The following EYS variants were observed in gnomAD, a reference collection of about 807,000 sequenced individuals.
EYS encodes the protein EGF-like photoreceptor maintenance factor, also known as protein eyes shut homolog.
EYS carries 250 observed loss-of-function variants against 282.1 expected under a neutral mutation model. The observed-to-expected ratio is 0.89, with a 90% CI of 0.80 to 0.98. The LOEUF is 0.98. EYS is among the 50% of genes least tolerant of loss of function. The pLI, the probability that EYS is intolerant of heterozygous loss-of-function variation, is 0.00. For missense variants in EYS, 4,016 were observed against 3,709.0 expected, an observed-to-expected ratio of 1.08 and a Z score of -2.15; for synonymous variants, 1,355 against 1,282.9, an observed-to-expected ratio of 1.06 and a Z score of -1.20.
At chr6:64,901,674 A>G (rs1344012406) in intron 18 of EYS, among the ~76,000 whole-genome samples, 1 of 152,090 alleles carries the variant, frequency 6.6e-6, no homozygotes, top group East Asian at 1.9e-4. Context: ...TGTAGGTAAG[A>G]CAAAAGAAGC....
chr6:64,115,721 C>G (rs891660410), intron 31 of EYS, among the ~76,000 whole-genome samples: 4 of 152,114 alleles, frequency 2.6e-5, no homozygotes, highest in African/African-American at 4.8e-5. Context: ...TGCAAAAAGT[C>G]TTGAAGAAGA....
chr6:65,515,592 C>T lies in EYS; in HGVS notation c.-332-19599G>A, dbSNP rs191295836. Among the ~76,000 whole-genome samples, 166 of 151,978 alleles carry T rather than the reference C, an allele frequency of 1.1e-3. 1 individual carries two copies. Among genetic ancestry groups the T allele is most frequent in the African/African-American group, 2.7e-3 (112 of 41,458 alleles). On this transcript the variant is annotated intron_variant, in intron 2 of 42. Coordinates refer to ENST00000503581, the MANE Select transcript of EYS (RefSeq NM_001142800.2). Reference sequence around the variant, plus strand: ...TTAAGAAAATGTGACACATATACACCATGGAATACCATGCAGCCAGAAAAA... The same window carrying T: ...TTAAGAAAATGTGACACATATACACTATGGAATACCATGCAGCCAGAAAAA...
intron 1 of EYS, among the ~76,000 whole-genome samples, chr6:65,642,076 T>G (rs145192401): frequency 6.6e-6 from 1 of 152,184 alleles, no homozygotes; most frequent in Non-Finnish European, 1.5e-5. Flanking sequence ...CATAACTGAA[T>G]ATATAGGGCC....
At chr6:64,455,577 A>G (rs1170677647) in intron 26 of EYS, among the ~76,000 whole-genome samples, 8 of 151,890 alleles carry the variant, frequency 5.3e-5, no homozygotes, top group Non-Finnish European at 8.8e-5. Context: ...TGCATTAGGT[A>G]TTTGTCCTAA....
At chr6:64,742,546 G>A (rs953679119) in intron 22 of EYS, among the ~76,000 whole-genome samples, 3 of 152,082 alleles carry the variant, frequency 2.0e-5, no homozygotes, top group East Asian at 3.9e-4. Context: ...AAAACTGATC[G>A]AGAGAGTAGA....
chr6:64,122,284 C>A (rs1311822677), intron 31 of EYS, among the ~76,000 whole-genome samples: 2 of 152,054 alleles, frequency 1.3e-5, no homozygotes, highest in African/African-American at 4.8e-5. Context: ...ATATAAGAAC[C>A]ACTTTCATAG....
chr6:64,526,367 A>G (rs1777920095), intron 26 of EYS, among the ~76,000 whole-genome samples: 1 of 151,876 alleles, frequency 6.6e-6, no homozygotes, highest in Non-Finnish European at 1.5e-5. Flanking sequence ...GAATCTCTGT[A>G]TCATCTCTTA....
At chr6:64,563,155 T>A (rs1765453345) in intron 26 of EYS, among the ~76,000 whole-genome samples, 1 of 152,002 alleles carries the variant, frequency 6.6e-6, no homozygotes, top group Non-Finnish European at 1.5e-5. Context: ...ATGACTAATT[T>A]GGTTGGCTAG....
At chr6:65,622,959 T>C (rs56769601) in intron 2 of EYS, among the ~76,000 whole-genome samples, 9,889 of 152,152 alleles carry the variant, frequency 0.065, 1,010 homozygotes, top group African/African-American at 0.21. Context: ...GATCTGTCTA[T>C]GTTGCCCAGG....
At chr6:65,490,832 G>T in intron 4 of EYS, 125 bp from the exon 5 acceptor site, 1 of 657,186 alleles carries the variant, frequency 1.5e-6, no homozygotes, top group Non-Finnish European at 2.8e-6. Flanking sequence ...ATGAAACCAT[G>T]TTATACGATG....
At chr6:64,119,899 CT>C (rs1773519078) in intron 31 of EYS, among the ~76,000 whole-genome samples, 2 of 152,126 alleles carry the variant, frequency 1.3e-5, no homozygotes, top group Non-Finnish European at 1.5e-5. Context: ...AAAATCAGTT[CT>C]TTTTCCATGA....
intron 19 of EYS, among the ~76,000 whole-genome samples, chr6:64,837,460 G>C (rs1318234730): frequency 6.6e-6 from 1 of 151,082 alleles, no homozygotes; most frequent in Non-Finnish European, 1.5e-5. Context: ...ATTCAAAATA[G>C]TACTGACAGT....
At chr6:65,381,000 G>A (rs1278735667) in intron 8 of EYS, among the ~76,000 whole-genome samples, 1 of 152,048 alleles carries the variant, frequency 6.6e-6, no homozygotes, top group Non-Finnish European at 1.5e-5. Context: ...AAATAGGAAT[G>A]CATTTACACT....
intron 31 of EYS, among the ~76,000 whole-genome samples, chr6:64,165,270 A>T (rs77155786): frequency 0.011 from 1,680 of 152,226 alleles, 29 homozygotes; most frequent in African/African-American, 0.038. Flanking sequence ...AATGCTTCAA[A>T]TTGTCATGGC....
At chr6:64,702,511 A>T (rs914345728) in intron 22 of EYS, among the ~76,000 whole-genome samples, 2 of 152,092 alleles carry the variant, frequency 1.3e-5, no homozygotes, top group African/African-American at 4.8e-5. Context: ...ATCAATTCAG[A>T]ACATCGTCAA....
intron 30 of EYS, among the ~76,000 whole-genome samples, chr6:64,235,822 C>T (rs1041854846): frequency 1.3e-5 from 2 of 152,084 alleles, no homozygotes; most frequent in Non-Finnish European, 2.9e-5. Context: ...GAAATTGTGG[C>T]AATAATCAAT....
rs113253005 is a variant in EYS at position 64,006,411 on chromosome 6, G to A, written c.6726-7228C>T. 4.9e-4 allele frequency among the ~76,000 whole-genome samples: 74 copies of A among 152,158 alleles called. 1 individual carries two copies. The highest frequency in any genetic ancestry group is 6.8e-3 in the Middle Eastern group (2 of 294). On this transcript the variant is annotated intron_variant, in intron 33 of 42. Transcript: ENST00000503581. ...GGGCAGAGACTATGGTGTGTTCTAGGTATAGAATCAATTGTCTGCAGAGAG... is the reference window on the plus strand; with the variant it reads ...GGGCAGAGACTATGGTGTGTTCTAGATATAGAATCAATTGTCTGCAGAGAG...
At chr6:65,634,388 A>G (rs1426012060) in intron 2 of EYS, among the ~76,000 whole-genome samples, 1 of 152,198 alleles carries the variant, frequency 6.6e-6, no homozygotes, top group Non-Finnish European at 1.5e-5. Flanking sequence ...ACTGAGTCAT[A>G]ACAATAGTGT....
intron 22 of EYS, among the ~76,000 whole-genome samples, chr6:64,758,978 A>C (rs982477878): frequency 6.6e-6 from 1 of 152,136 alleles, no homozygotes; most frequent in African/African-American, 2.4e-5. Flanking sequence ...CTCTACTAAA[A>C]ATACAAAAAA....
Sources: gnomAD v4.1 joint callset for allele counts (sites outside exome capture counted in the v4.1 genomes callset) on GRCh38, gnomAD v4.1.1 for gene constraint, MANE v1.5 for transcripts, NCBI Gene and HGNC (gene_info 2026-07-23, HGNC 2026-07-21) for gene names.